The following NSMAF variants were observed in gnomAD, a reference collection of about 807,000 sequenced individuals.
The protein encoded by NSMAF is protein FAN.
Under a neutral mutation model 134.9 loss-of-function variants are expected in NSMAF, and 90 were observed. The ratio of observed to expected loss-of-function variants is 0.67; its 90% confidence interval spans 0.56 to 0.79. The LOEUF is 0.79. Ranked by LOEUF, NSMAF falls within the 30% of genes least tolerant of loss-of-function variation. The probability of loss-of-function intolerance (pLI) is 0.00; values close to 1 mark genes in which losing one functional copy is unlikely to be tolerated. For missense variants in NSMAF, 1,010 were observed against 1,119.0 expected, an observed-to-expected ratio of 0.90 and a Z score of 1.39; for synonymous variants, 358 against 389.6, an observed-to-expected ratio of 0.92 and a Z score of 0.96.
chr8:58,651,012 T>C (rs1218030842), intron 1 of NSMAF, among the ~76,000 whole-genome samples: 1 of 152,186 alleles, frequency 6.6e-6, no homozygotes, highest in African/African-American at 2.4e-5. Context: ...TTCTCTGGGA[T>C]TTTTTCCTGG....
Position 58,623,380 on chromosome 8 carries a change from G to T in NSMAF, c.501C>A (p.Ala167=). The part of the protein sequence containing the change: ...SCLDKLGDQT[A]MITAILQSRL... ...AGACATTGTTAAGAATACTTACCAT[G>T]GCGGTTTGGTCACCCAATTTGTCAA... is the stretch of plus-strand genomic sequence containing the variant. Residue 167 remains alanine (A), a synonymous_variant, in exon 8 of 31, where the codon GCC becomes GCA. Transcript: ENST00000038176. The T allele has an allele frequency of 6.2e-7, 1 of 1,613,806 alleles. No homozygotes were observed. The highest frequency in any genetic ancestry group is 1.7e-5 in the Admixed American group (1 of 60,016).
At chr8:58,600,623 A>G (rs948130644) in intron 16 of NSMAF, among the ~76,000 whole-genome samples, 3 of 146,098 alleles carry the variant, frequency 2.1e-5, no homozygotes, top group African/African-American at 7.5e-5. Context: ...CTCTGTCTCA[A>G]AAAAAAAAAA....
rs368520351 is a variant in NSMAF, at chr8:58,623,442, G to A, written c.457-18C>T. On this transcript the variant is annotated intron_variant, in intron 7 of 30. Coordinates refer to ENST00000038176, the MANE Select transcript of NSMAF (RefSeq NM_003580.4). ...CTGTGAAGCTACAGTATCATAAACA[G>A]ACATGAATTTATTTTTTCTCTCAGA... The A allele has an allele frequency of 1.9e-6, 3 of 1,608,130 alleles. No homozygotes were observed. The highest frequency in any genetic ancestry group is 1.7e-6 in the Non-Finnish European group (2 of 1,177,784).
Position 58,584,063 on chromosome 8 carries a change from A to G in NSMAF, c.*43T>C, listed in dbSNP as rs1157639749. The G allele has an allele frequency of 1.4e-6, 2 of 1,447,344 alleles. No individual in the cohort carries two copies. Among genetic ancestry groups the G allele is most frequent in the Admixed American group, 3.4e-5 (2 of 59,666 alleles). The allele number at this position is 1,447,344 out of a possible 1,614,324, so 89.7% of individuals were successfully genotyped here. A position where few individuals can be genotyped will look rare whatever the true frequency, so the allele number is the denominator to read the frequency against. Reference sequence around the variant, plus strand: ...GTTTAAAAGTTTGGTTTAAAAATGCATTAAATAGAGTTCAATTTAATATTC... The same window carrying G: ...GTTTAAAAGTTTGGTTTAAAAATGCGTTAAATAGAGTTCAATTTAATATTC... On this transcript the variant is annotated 3_prime_UTR_variant, in exon 31 of 31. Transcript: ENST00000038176.
At chr8:58,603,902 T>C (rs974558671) in intron 12 of NSMAF, among the ~76,000 whole-genome samples, 2 of 152,184 alleles carry the variant, frequency 1.3e-5, no homozygotes, top group Non-Finnish European at 2.9e-5. Context: ...GAAAAGAAAT[T>C]GTTAAAGAAG....
chr8:58,593,473 T>G (rs7844231), intron 23 of NSMAF, among the ~76,000 whole-genome samples: 67,881 of 152,090 alleles, frequency 0.45, 17,054 homozygotes, highest in African/African-American at 0.69. Flanking sequence ...AAAGACTAAA[T>G]AACGAGTAGC....
chr8:58,615,271 T>C (rs542054219), intron 9 of NSMAF, among the ~76,000 whole-genome samples: 2 of 152,328 alleles, frequency 1.3e-5, no homozygotes, highest in South Asian at 2.1e-4. Flanking sequence ...CAGTGACTGA[T>C]AGCACAAGTC....
chr8:58,593,209 G>A (rs966651038), intron 23 of NSMAF, among the ~76,000 whole-genome samples: 8 of 152,172 alleles, frequency 5.3e-5, no homozygotes, highest in African/African-American at 9.7e-5. Flanking sequence ...GAAGTGCCTC[G>A]GTGACCCTGG....
intron 1 of NSMAF, among the ~76,000 whole-genome samples, chr8:58,648,003 A>G (rs997495479): frequency 2.0e-5 from 3 of 152,316 alleles, no homozygotes; most frequent in African/African-American, 7.2e-5. Context: ...AAAGTTTGAA[A>G]CTTCTCAGAG....
chr8:58,656,072 G>A (rs1313848849), intron 1 of NSMAF, among the ~76,000 whole-genome samples: 1 of 151,926 alleles, frequency 6.6e-6, no homozygotes, highest in Non-Finnish European at 1.5e-5. Flanking sequence ...AGGCTGGAGT[G>A]CAATGGCACC....
chr8:58,641,295 A>G (rs1329693795), intron 2 of NSMAF, among the ~76,000 whole-genome samples: 6 of 152,204 alleles, frequency 3.9e-5, no homozygotes, highest in Admixed American at 3.9e-4. Context: ...TAGCTAAGAT[A>G]AAGTGTAGTA....
intron 1 of NSMAF, among the ~76,000 whole-genome samples, chr8:58,648,870 A>G (rs1037303946): frequency 1.3e-5 from 2 of 152,252 alleles, no homozygotes; most frequent in African/African-American, 4.8e-5. Flanking sequence ...GCCTGCTACA[A>G]GGATGGGGCC....
intron 9 of NSMAF, among the ~76,000 whole-genome samples, chr8:58,623,006 G>GC (rs1341862249): frequency 2.0e-4 from 31 of 152,192 alleles, no homozygotes; most frequent in African/African-American, 7.5e-4. Context: ...AGAAACCGAA[G>GC]CATCTAACAG....
At chr8:58,626,293 A>C (rs1344298289) in intron 6 of NSMAF, among the ~76,000 whole-genome samples, 1 of 151,580 alleles carries the variant, frequency 6.6e-6, no homozygotes, top group Non-Finnish European at 1.5e-5. Context: ...GACAGGTTTC[A>C]CAGTGTTAAC....
At chr8:58,626,439 C>T (rs902716098) in intron 6 of NSMAF, among the ~76,000 whole-genome samples, 1 of 152,136 alleles carries the variant, frequency 6.6e-6, no homozygotes, top group African/African-American at 2.4e-5. Context: ...TCTTAGCTCC[C>T]ACTTATAAGT....
intron 2 of NSMAF, among the ~76,000 whole-genome samples, chr8:58,636,582 G>C (rs1053526407): frequency 6.6e-6 from 1 of 152,158 alleles, no homozygotes; most frequent in African/African-American, 2.4e-5. Context: ...ATCAAGGGCT[G>C]GTAAACTTTC....
chr8:58,585,778 G>A lies in NSMAF; in HGVS notation c.2550-17C>T. 1.2e-6 allele frequency: 2 copies of A among 1,608,426 alleles called. No homozygotes were observed. Among genetic ancestry groups the A allele is most frequent in the Non-Finnish European group, 1.7e-6 (2 of 1,174,786 alleles). ...ACAAAGCACCTGCAAGAATGATTTA[G>A]AAATAGTCCTTTCTTCATCATGAAG... is the stretch of plus-strand genomic sequence containing the variant. On this transcript the variant is annotated splice_polypyrimidine_tract_variant and intron_variant, in intron 29 of 30. Coordinates refer to ENST00000038176, the MANE Select transcript of NSMAF (RefSeq NM_003580.4).
chr8:58,655,676 G>A (rs1807688844), intron 1 of NSMAF, among the ~76,000 whole-genome samples: 1 of 152,104 alleles, frequency 6.6e-6, no homozygotes, highest in Non-Finnish European at 1.5e-5. Context: ...GGGAGGCCGA[G>A]GCGGGCGGAT....
In NSMAF at chr8:58,586,617, GA is replaced by G. The variant is rs780495086; in HGVS notation, c.2296-10del. 1.6e-4 allele frequency: 253 copies of G among 1,604,456 alleles called. No individual in the cohort carries two copies. The highest frequency in any genetic ancestry group is 1.9e-4 in the Non-Finnish European group (220 of 1,174,600). ...AAACTGATTGTATCTACCTAAGGAA[GA>G]AAACACATTGATACATATTCCATTA... is the stretch of plus-strand genomic sequence containing the variant. On this transcript the variant is annotated splice_polypyrimidine_tract_variant and intron_variant, in intron 27 of 30. Coordinates refer to ENST00000038176, the MANE Select transcript of NSMAF (RefSeq NM_003580.4).
Sources: allele counts gnomAD v4.1 joint callset (sites outside exome capture counted in the v4.1 genomes callset), GRCh38; gene constraint gnomAD v4.1.1; transcripts MANE v1.5; gene names NCBI Gene and HGNC (gene_info 2026-07-23, HGNC 2026-07-21).